The following BCAS3 variants were observed in gnomAD, a reference collection of about 807,000 sequenced individuals.
BCAS3 encodes the protein BCAS3 microtubule associated cell migration factor, also known as BCAS4/BCAS3 fusion.
In BCAS3, 53 loss-of-function variants were observed where a neutral mutation model predicts 116.1. That is an observed-to-expected ratio of 0.46 (90% CI 0.37 to 0.57). BCAS3 has a LOEUF of 0.57. Among genes scored for constraint, BCAS3 ranks in the 20% least tolerant of loss-of-function variants. The pLI, the probability that BCAS3 is intolerant of heterozygous loss-of-function variation, is 0.00. For synonymous variants in BCAS3, 391 were observed against 408.2 expected (o/e 0.96, Z 0.51); for missense variants, 917 against 1,165.4 (o/e 0.79, Z 3.10).
rs1331045149 is a variant in BCAS3 at position 60,964,075 on chromosome 17, A to C, written c.1221+16723A>C. Among the ~76,000 whole-genome samples the C allele has an allele frequency of 1.3e-5, 2 of 152,122 alleles. No homozygotes were observed. The highest frequency in any genetic ancestry group is 1.3e-4 in the Admixed American group (2 of 15,266). On this transcript the variant is annotated intron_variant, in intron 14 of 23. Transcript: ENST00000407086. This position sits in a 1 kb window ranked among gnomAD's most constrained non-coding sequence, Gnocchi z 4.6. The stretch of plus-strand genomic sequence containing the variant: ...GGCCAGGACTGGCAGTATTATGTTG[A>C]GTAACCGTAGTGAGAGTGGACATAC...
intron 7 of BCAS3, among the ~76,000 whole-genome samples, chr17:60,852,972 G>A (rs115225150): frequency 3.2e-4 from 49 of 152,208 alleles, no homozygotes; most frequent in African/African-American, 1.1e-3. Context: ...TGAAACTTAC[G>A]TCCTCCCAAA....
rs1230259222 is a variant in BCAS3 at position 61,134,358 on chromosome 17, T to C, written c.2425+49794T>C. Among the ~76,000 whole-genome samples the C allele has an allele frequency of 2.0e-5, 3 of 152,316 alleles. No homozygotes were observed. Among genetic ancestry groups the C allele is most frequent in the African/African-American group, 7.2e-5 (3 of 41,568 alleles). On this transcript the variant is annotated intron_variant, in intron 22 of 23. Transcript: ENST00000407086. The surrounding 1 kb of genome is among the most constrained non-coding windows in gnomAD (Gnocchi z 4.6). ...TTCATCGTTTTATAAATTAGGAAAT[T>C]GAGGTCTTGTGAAAGTAACGTGCCT...
intron 19 of BCAS3, among the ~76,000 whole-genome samples, chr17:61,062,608 T>C (rs1250722546): frequency 6.6e-6 from 1 of 152,138 alleles, no homozygotes; most frequent in Admixed American, 6.5e-5. Flanking sequence ...TCCAGGTAGA[T>C]ATGAGGGGAC....
In BCAS3 at chr17:61,368,346, G is replaced by A; in HGVS notation, c.2445G>A (p.Val815=). The change falls in exon 23 of 24, where the codon GTG becomes GTA. Residue 815 remains valine (V), a synonymous_variant. Coordinates refer to ENST00000407086, the MANE Select transcript of BCAS3 (RefSeq NM_017679.5). This position sits in a 1 kb window ranked among gnomAD's most constrained non-coding sequence, Gnocchi z 6.0. ...CCACAGGTACCTTTGACAGGAGCGT[G>A]ACCCTGCTGGAGGTGTGCGGGAGCT... ...DAASGTFDRS[V]TLLEVCGSWP... The A allele has an allele frequency of 1.2e-6, 2 of 1,603,082 alleles. No homozygotes were observed. The highest frequency in any genetic ancestry group is 1.7e-6 in the Non-Finnish European group (2 of 1,171,160).
At chr17:61,075,780 A>G (rs2071922557) in intron 20 of BCAS3, among the ~76,000 whole-genome samples, 1 of 152,176 alleles carries the variant, frequency 6.6e-6, no homozygotes, top group Non-Finnish European at 1.5e-5. Context: ...TGGAAATATA[A>G]CATTCCACCC....
intron 5 of BCAS3, among the ~76,000 whole-genome samples, chr17:60,731,554 C>CT (rs2040456684): frequency 6.6e-6 from 1 of 152,088 alleles, no homozygotes; most frequent in Non-Finnish European, 1.5e-5. Context: ...GCTTTAGGAA[C>CT]TGAATTCCTT....
At chr17:60,712,362 T>A (rs2038039123) in intron 5 of BCAS3, among the ~76,000 whole-genome samples, 1 of 149,174 alleles carries the variant, frequency 6.7e-6, no homozygotes, top group Non-Finnish European at 1.5e-5. Flanking sequence ...GGTGACAGAG[T>A]GAGATCTTGT....
intron 4 of BCAS3, among the ~76,000 whole-genome samples, chr17:60,695,085 G>A (rs999113150): frequency 1.3e-5 from 2 of 151,480 alleles, no homozygotes; most frequent in Non-Finnish European, 1.5e-5. Context: ...TCCTTTTTAA[G>A]GCTGAATCAT....
rs528561443 is a variant in BCAS3, at chr17:61,087,919, A to C, written c.2425+3355A>C. On this transcript the variant is annotated intron_variant, in intron 22 of 23. Transcript: ENST00000407086. The surrounding 1 kb of genome is among the most constrained non-coding windows in gnomAD (Gnocchi z 4.6). ...CCATACCAGCTGGGCGCAGTGGATC[A>C]CAACTATAATCCTAGCACTTTGGGA... Among the ~76,000 whole-genome samples the C allele has an allele frequency of 5.3e-5, 8 of 152,320 alleles. No individual in the cohort carries two copies. The highest frequency in any genetic ancestry group is 1.9e-4 in the African/African-American group (8 of 41,572).
chr17:61,360,930 A>ATT (rs2058423443), intron 22 of BCAS3, among the ~76,000 whole-genome samples: 1 of 152,218 alleles, frequency 6.6e-6, no homozygotes, highest in South Asian at 2.1e-4. Flanking sequence ...TGCTTAACAT[A>ATT]TGCCTTTAAT....
chr17:60,943,997 A>G (rs1480605147), intron 13 of BCAS3, among the ~76,000 whole-genome samples: 1 of 152,092 alleles, frequency 6.6e-6, no homozygotes, highest in Non-Finnish European at 1.5e-5. Flanking sequence ...TTAGAGGGAC[A>G]TTAATACCTA....
intron 14 of BCAS3, among the ~76,000 whole-genome samples, chr17:60,983,054 G>A (rs2062909302): frequency 1.3e-5 from 2 of 152,152 alleles, no homozygotes; most frequent in South Asian, 4.1e-4. Flanking sequence ...AAATATGTTT[G>A]TGTCCTAAAT....
intron 12 of BCAS3, among the ~76,000 whole-genome samples, chr17:60,922,310 A>G (rs951473973): frequency 6.6e-6 from 1 of 152,186 alleles, no homozygotes; most frequent in Non-Finnish European, 1.5e-5. Context: ...TAGTTTTAGT[A>G]GAGACAGGGT....
At chr17:60,921,925 G>A (rs1021886862) in intron 12 of BCAS3, among the ~76,000 whole-genome samples, 1 of 151,778 alleles carries the variant, frequency 6.6e-6, no homozygotes, top group South Asian at 2.1e-4. Context: ...TTTCATTCAC[G>A]ATAAAAGGGT....
intron 22 of BCAS3, among the ~76,000 whole-genome samples, chr17:61,190,212 C>A (rs143525992): frequency 6.6e-6 from 1 of 152,034 alleles, no homozygotes; most frequent in African/African-American, 2.4e-5. Context: ...CACATTACCA[C>A]GAATTATAGA....
intron 10 of BCAS3, among the ~76,000 whole-genome samples, chr17:60,892,104 G>A (rs561571849): frequency 2.6e-5 from 4 of 152,210 alleles, no homozygotes; most frequent in African/African-American, 7.2e-5. Flanking sequence ...CTAGTACTGC[G>A]ATGAAAATAC....
intron 6 of BCAS3, among the ~76,000 whole-genome samples, chr17:60,764,682 G>A (rs1303423416): frequency 6.6e-6 from 1 of 152,154 alleles, no homozygotes; most frequent in Non-Finnish European, 1.5e-5. Context: ...GTTGATTTGG[G>A]GTGGAGATTT....
intron 4 of BCAS3, among the ~76,000 whole-genome samples, chr17:60,691,629 G>A (rs1269567259): frequency 6.6e-6 from 1 of 150,642 alleles, no homozygotes; most frequent in Non-Finnish European, 1.5e-5. Context: ...AATATCCTGG[G>A]TATTAATTCC....
In BCAS3 at chr17:61,026,844, T is replaced by A; in HGVS notation, c.1638-7822T>A. The A allele has an allele frequency of 6.3e-7, 1 of 1,584,402 alleles. No homozygotes were observed. The highest frequency in any genetic ancestry group is 8.6e-7 in the Non-Finnish European group (1 of 1,162,536). ...GAGTTTTTCTCTAATTTTTTGTGCA[T>A]TTTTCCCCCTTTTCCATGAAGGCCT... On this transcript the variant is annotated intron_variant, in intron 16 of 23. Transcript: ENST00000407086. The surrounding 1 kb of genome is among the most constrained non-coding windows in gnomAD (Gnocchi z 5.0).
Sources: allele counts gnomAD v4.1 joint callset (sites outside exome capture counted in the v4.1 genomes callset), GRCh38; gene constraint gnomAD v4.1.1; non-coding constraint Gnocchi (gnomAD v3.1); transcripts MANE v1.5; gene names NCBI Gene and HGNC (gene_info 2026-07-23, HGNC 2026-07-21).